Variants in PCDH15 observed in about 807,000 individuals in gnomAD.
PCDH15 encodes the protein protocadherin-15.
PCDH15 carries 129 observed loss-of-function variants against 178.5 expected under a neutral mutation model. The ratio of observed to expected loss-of-function variants is 0.72; its 90% CI spans 0.63 to 0.84. The LOEUF (loss-of-function observed/expected upper bound fraction) is 0.84, where lower values mean the gene tolerates loss of function less well. PCDH15 is among the 40% of genes least tolerant of loss of function. PCDH15 has a pLI of 0.00. For missense variants in PCDH15, 2,230 were observed against 2,099.9 expected, an observed-to-expected ratio of 1.06 and a Z score of -1.21; for synonymous variants, 800 against 732.0, an observed-to-expected ratio of 1.09 and a Z score of -1.50.
chr10:55,274,789 A>T (rs1842543394), intron 1 of PCDH15, among the ~76,000 whole-genome samples: 1 of 152,078 alleles, frequency 6.6e-6, no homozygotes, highest in African/African-American at 2.4e-5. Flanking sequence ...GTTCCATCTC[A>T]CATCATCAGG....
intron 8 of PCDH15, among the ~76,000 whole-genome samples, chr10:54,294,508 T>A (rs187822752): frequency 2.3e-4 from 35 of 152,256 alleles, no homozygotes; most frequent in African/African-American, 8.2e-4. Flanking sequence ...ATATAACGCA[T>A]GTTACTAATT....
chr10:55,349,032 G>T (rs1384533356), intron 2 of PCDH15, among the ~76,000 whole-genome samples: 2 of 152,130 alleles, frequency 1.3e-5, no homozygotes, highest in Non-Finnish European at 2.9e-5. Context: ...GAGTCTAGGT[G>T]ACAGATTGCA....
chr10:54,784,194 A>T (rs1950625551), intron 1 of PCDH15, among the ~76,000 whole-genome samples: 1 of 152,062 alleles, frequency 6.6e-6, no homozygotes, highest in African/African-American at 2.4e-5. Context: ...ACAGTTCAAG[A>T]TTAGATTTGG....
chr10:55,445,242 G>A (rs906193746), intron 2 of PCDH15, among the ~76,000 whole-genome samples: 1 of 152,064 alleles, frequency 6.6e-6, no homozygotes, highest in African/African-American at 2.4e-5. Flanking sequence ...TAAGTTCCTA[G>A]ACTGGTGTTT....
At chr10:54,933,894 G>A (rs570972910) in intron 2 of PCDH15, among the ~76,000 whole-genome samples, 1 of 152,080 alleles carries the variant, frequency 6.6e-6, no homozygotes, top group Non-Finnish European at 1.5e-5. Context: ...TTGTTCCTGT[G>A]TTCATGAGGT....
chr10:54,176,801 A>G (rs963884238), intron 13 of PCDH15, among the ~76,000 whole-genome samples: 40 of 152,252 alleles, frequency 2.6e-4, no homozygotes, highest in African/African-American at 9.1e-4. Flanking sequence ...AGGCATGGAA[A>G]AGGAATTGGT....
chr10:54,863,964 A>G (rs1291026494), intron 3 of PCDH15, among the ~76,000 whole-genome samples: 1 of 152,216 alleles, frequency 6.6e-6, no homozygotes, highest in African/African-American at 2.4e-5. Flanking sequence ...ATAACTGATC[A>G]TATTTAAAGC....
intron 1 of PCDH15, among the ~76,000 whole-genome samples, chr10:54,709,377 A>C (rs902489636): frequency 6.6e-6 from 1 of 151,930 alleles, no homozygotes; most frequent in African/African-American, 2.4e-5. Flanking sequence ...TACATTAATG[A>C]AGAAATACAC....
At chr10:55,360,980 T>C (rs902786148) in intron 2 of PCDH15, among the ~76,000 whole-genome samples, 3 of 151,944 alleles carry the variant, frequency 2.0e-5, no homozygotes, top group Non-Finnish European at 4.4e-5. Context: ...GGTATATTCA[T>C]AGAGGAGAAT....
intron 2 of PCDH15, among the ~76,000 whole-genome samples, chr10:54,640,243 A>G (rs938188901): frequency 2.0e-5 from 3 of 152,154 alleles, no homozygotes; most frequent in African/African-American, 7.2e-5. Context: ...GAAAACAGAA[A>G]TAAAATCAGA....
intron 2 of PCDH15, among the ~76,000 whole-genome samples, chr10:54,577,879 TAAATAAATAAATAA>T (rs1565647888): frequency 3.3e-5 from 5 of 150,486 alleles, no homozygotes; most frequent in Non-Finnish European, 7.4e-5. Context: ...AATAAATAAA[TAAATAAATAAATAA>T]ATATTCCTCT....
At chr10:53,964,991 C>A (rs2088840918) in intron 21 of PCDH15, among the ~76,000 whole-genome samples, 2 of 151,810 alleles carry the variant, frequency 1.3e-5, no homozygotes, top group Admixed American at 6.6e-5. Context: ...TACTATGTAT[C>A]AGACTGCATG....
At chr10:55,082,903 A>G (rs1161450196) in intron 2 of PCDH15, among the ~76,000 whole-genome samples, 1 of 151,980 alleles carries the variant, frequency 6.6e-6, no homozygotes, top group East Asian at 1.9e-4. Context: ...AAGCCATAAT[A>G]AAAACTCTCC....
intron 2 of PCDH15, among the ~76,000 whole-genome samples, chr10:55,127,013 A>C (rs1211387828): frequency 6.6e-6 from 1 of 151,970 alleles, no homozygotes; most frequent in Non-Finnish European, 1.5e-5. Flanking sequence ...CCCCCACCCC[A>C]CACACAAAAA....
In PCDH15 at chr10:54,949,066, T is replaced by C. The variant is rs555295538; in HGVS notation, c.-79-51566A>G. The stretch of plus-strand genomic sequence containing the variant: ...TTTGTAAGAGACATGGAGGAAAACA[T>C]ATATAATAATATCTATTACTAAAAT... On this transcript the variant is annotated intron_variant, in intron 2 of 5. Transcript: ENST00000458638. 4.6e-5 allele frequency among the ~76,000 whole-genome samples: 7 copies of C among 152,052 alleles called. No homozygotes were observed. The South Asian group carries it at 1.5e-3, about 32-fold the overall frequency.
At chr10:54,058,492 G>C (rs904766587) in intron 18 of PCDH15, among the ~76,000 whole-genome samples, 2 of 152,034 alleles carry the variant, frequency 1.3e-5, no homozygotes, top group African/African-American at 2.4e-5. Context: ...CCCAAGAACA[G>C]CATGAGAAAG....
chr10:54,607,066 T>C (rs1447287879), intron 2 of PCDH15: 1 of 152,126 alleles, frequency 6.6e-6, no homozygotes, highest in East Asian at 1.9e-4. Context: ...GAAAGATTTA[T>C]TAACATAAGT....
intron 2 of PCDH15, among the ~76,000 whole-genome samples, chr10:55,592,256 C>T (rs1265527927): frequency 6.6e-6 from 1 of 152,142 alleles, no homozygotes; most frequent in Non-Finnish European, 1.5e-5. Flanking sequence ...CCAGGGCTCC[C>T]TTACTGCCTG....
At chr10:55,561,639 T>C (rs1842203214) in intron 2 of PCDH15, among the ~76,000 whole-genome samples, 1 of 151,874 alleles carries the variant, frequency 6.6e-6, no homozygotes, top group Admixed American at 6.6e-5. Context: ...GAGTACCACA[T>C]GTTTGCCTTA....
Sources: allele counts gnomAD v4.1 joint callset (sites outside exome capture counted in the v4.1 genomes callset), GRCh38; gene constraint gnomAD v4.1.1; transcripts MANE v1.5; gene names NCBI Gene and HGNC (gene_info 2026-07-23, HGNC 2026-07-21).